STK11IP: variants seen among roughly 807,000 people sequenced by gnomAD.
The protein encoded by STK11IP is serine/threonine kinase 11 interacting protein.
Under a neutral mutation model 131.7 loss-of-function variants are expected in STK11IP, and 103 were observed. That is an observed-to-expected ratio of 0.78 (90% confidence interval 0.67 to 0.92). The LOEUF (loss-of-function observed/expected upper bound fraction) is 0.92. STK11IP is among the 40% of genes least tolerant of loss of function. STK11IP has a pLI of 0.00. For synonymous variants in STK11IP, 557 were observed against 575.6 expected (o/e 0.97, Z 0.46); for missense variants, 1,315 against 1,385.7 (o/e 0.95, Z 0.81).
chr2:219,602,957 C>G (rs1415889888), intron 7 of STK11IP, among the ~76,000 whole-genome samples, 181 bp downstream of exon 7: 1 of 151,552 alleles, frequency 6.6e-6, no homozygotes, highest in Non-Finnish European at 1.5e-5. Context: ...ATCTCAACTT[C>G]TAATACCTGT....
chr2:219,598,543 G>T, intron 2 of STK11IP: 1 of 194,450 alleles, frequency 5.1e-6, no homozygotes, highest in South Asian at 1.7e-4. Context: ...CACGAGATTT[G>T]GAGTCGGACC....
rs748510870 is a variant in STK11IP, at chr2:219,616,131, G to T, written c.3205G>T (p.Glu1069Ter). The T allele has an allele frequency of 6.2e-7, 1 of 1,613,750 alleles. No homozygotes were observed. The highest frequency in any genetic ancestry group is 8.5e-7 in the Non-Finnish European group (1 of 1,179,898). ...GCTTGCCTGGATCCGGGAACCATGG[G>T]AGGAGCTGTTTTCCATCGGACTCCG... ...ALLAWIREPW[E>*]ELFSIGLRTV... The change falls in exon 25 of 25, where the codon GAG becomes TAG. Residue 1069 changes from glutamate (E) to a stop codon, truncating the protein, a stop_gained. Coordinates refer to ENST00000456909, the MANE Select transcript of STK11IP (RefSeq NM_052902.4). LOFTEE classifies it high-confidence loss of function.
intron 13 of STK11IP, 144 bp from the exon 14 acceptor site, chr2:219,607,903 C>T (rs139487871): frequency 1.1e-4 from 120 of 1,070,616 alleles, no homozygotes; most frequent in South Asian, 9.6e-4. Flanking sequence ...TAGTACATGC[C>T]GCGGAGGGGA....
chr2:219,598,080 CT>C lies in STK11IP; in HGVS notation c.-26-11del, dbSNP rs771275476. ...CCCACCTGAGGCTCTTCCGCTTCCT[CT>C]TTCCCCCCCCAGGCTCCGCCCCCCA... On this transcript the variant is annotated splice_polypyrimidine_tract_variant and intron_variant, in intron 1 of 24. Coordinates refer to ENST00000456909, the MANE Select transcript of STK11IP (RefSeq NM_052902.4). The C allele has an allele frequency of 1.7e-4, 261 of 1,578,460 alleles. No homozygotes were observed. Among genetic ancestry groups the C allele is most frequent in the East Asian group, 5.8e-4 (24 of 41,278 alleles).
intron 14 of STK11IP, 30 bp from the exon 15 acceptor site, chr2:219,608,553 T>A: frequency 6.4e-7 from 1 of 1,556,212 alleles, no homozygotes; most frequent in South Asian, 1.2e-5. Context: ...TTTCCCTCCC[T>A]GCAGGCCTTT....
At position 219,609,126 on chromosome 2, in the gene STK11IP, C is replaced by G. The variant is rs1309702559; in HGVS notation, c.1839C>G (p.Ile613Met). ...TGSDLLPGAP[I>M]LSLRFSYICP... ...CAGATCTGCTCCCTGGAGCCCCCAT[C>G]CTCAGTCTGCGCTTCTCCTACATCT... Residue 613 changes from isoleucine to methionine, a missense_variant, in exon 16 of 25, where the codon ATC (isoleucine) becomes ATG (methionine). Coordinates refer to ENST00000456909, the MANE Select transcript of STK11IP (RefSeq NM_052902.4). 1.2e-6 allele frequency: 2 copies of G among 1,607,538 alleles called. No homozygotes were observed. Among genetic ancestry groups the G allele is most frequent in the Non-Finnish European group, 8.5e-7 (1 of 1,177,194 alleles).
At chr2:219,599,768 C>T (rs568130505) in intron 2 of STK11IP, among the ~76,000 whole-genome samples, 1 of 149,212 alleles carries the variant, frequency 6.7e-6, no homozygotes, top group East Asian at 2.0e-4. Context: ...GAGTCTCGCT[C>T]TGTCACCCAG....
chr2:219,615,636 C>G (rs1023495020), intron 24 of STK11IP: 4 of 652,832 alleles, frequency 6.1e-6, no homozygotes, highest in African/African-American at 1.8e-5. Flanking sequence ...AGGATTGGGC[C>G]GGTTGTATGC....
In STK11IP at chr2:219,601,623, T is replaced by TG; in HGVS notation, c.268-18_268-17insG. The TG allele has an allele frequency of 2.4e-6, 3 of 1,229,920 alleles. No individual in the cohort carries two copies. Among genetic ancestry groups the TG allele is most frequent in the Non-Finnish European group, 3.2e-6 (3 of 928,074 alleles). The allele number at this position is 1,229,920 out of a possible 1,614,324, so 76.2% of individuals were successfully genotyped here. On this transcript the variant is annotated splice_polypyrimidine_tract_variant and intron_variant, in intron 3 of 24. Coordinates refer to ENST00000456909, the MANE Select transcript of STK11IP (RefSeq NM_052902.4). ...ATCTGCTGTGCCTCAGTAAATTGAG[T>TG]TTTTTTTTTTTTTTCAGCTGGTCCA...
intron 4 of STK11IP, 123 bp from the exon 5 acceptor site, chr2:219,601,865 T>A: frequency 8.0e-7 from 1 of 1,247,986 alleles, no homozygotes; most frequent in Non-Finnish European, 1.1e-6. Context: ...TCTTTCCATT[T>A]ACTGCTTCCC....
Position 219,609,136 on chromosome 2 carries a change from C to T in STK11IP, c.1849C>T (p.Arg617Cys), listed in dbSNP as rs183004517. 23 of 1,608,996 alleles carry T rather than the reference C, an allele frequency of 1.4e-5. No individual in the cohort carries two copies. Among genetic ancestry groups the T allele is most frequent in the East Asian group, 4.5e-5 (2 of 44,684 alleles). ...LLPGAPILSLRFSYICPDRQL... is the reference protein window; with the variant it reads ...LLPGAPILSLCFSYICPDRQL... ...CCCTGGAGCCCCCATCCTCAGTCTG[C>T]GCTTCTCCTACATCTGCCCTGACCG... Residue 617 changes from arginine (R) to cysteine (C), a missense_variant, in exon 16 of 25, where the codon CGC becomes TGC. By Grantham distance (180) the Arg-to-Cys change is radical. Coordinates refer to ENST00000456909, the MANE Select transcript of STK11IP (RefSeq NM_052902.4).
At position 219,613,124 on chromosome 2, in the gene STK11IP, C is replaced by T; in HGVS notation, c.2440-4C>T. 1 of 1,611,536 alleles carries T rather than the reference C, an allele frequency of 6.2e-7. No homozygotes were observed. The highest frequency in any genetic ancestry group is 1.1e-5 in the South Asian group (1 of 90,908). On this transcript the variant is annotated splice_region_variant and splice_polypyrimidine_tract_variant and intron_variant, in intron 19 of 24. Transcript: ENST00000456909. ...GGTTTCTCACCAACTTCCTCTTCCC[C>T]CAGGTGCCAGTGGCATTGGCAGGCC...
In STK11IP at chr2:219,606,046, CT is replaced by C; in HGVS notation, c.837del (p.Glu280SerfsTer46). ...HRELSPLWLL[A>X]ELRKLYLEGN... Reference sequence around the variant, plus strand: ...GAGCTGTCACCACTGTGGCTGCTGGCTGAGCTCCGCAAGGTGAGATGGGAAT... The same window carrying C: ...GAGCTGTCACCACTGTGGCTGCTGGCGAGCTCCGCAAGGTGAGATGGGAAT... On this transcript the variant is annotated frameshift_variant, in exon 9 of 25. Coordinates refer to ENST00000456909, the MANE Select transcript of STK11IP (RefSeq NM_052902.4). LOFTEE classifies it high-confidence loss of function. The C allele has an allele frequency of 1.2e-6, 2 of 1,603,042 alleles. No homozygotes were observed. Among genetic ancestry groups the C allele is most frequent in the Non-Finnish European group, 1.7e-6 (2 of 1,174,958 alleles).
intron 5 of STK11IP, 60 bp downstream of exon 5, chr2:219,602,143 T>C: frequency 8.1e-7 from 1 of 1,242,082 alleles, no homozygotes; most frequent in Non-Finnish European, 1.2e-6. Context: ...AAGACCAAGC[T>C]CTGATGTTCT....
chr2:219,606,355 C>T (rs779409472), intron 10 of STK11IP, 65 bp downstream of exon 10: 225 of 1,544,298 alleles, frequency 1.5e-4, no homozygotes, highest in Non-Finnish European at 1.8e-4. Context: ...CACCTTGCAC[C>T]CTCTTGCCAT....
intron 11 of STK11IP, 70 bp from the exon 12 acceptor site, chr2:219,606,642 G>T: frequency 1.3e-6 from 2 of 1,594,484 alleles, no homozygotes; most frequent in South Asian, 2.3e-5. Flanking sequence ...CCCGCCTTTT[G>T]GCTGGCTTGG....
intron 23 of STK11IP, 88 bp downstream of exon 23, chr2:219,614,634 C>G (rs770157175): frequency 7.5e-7 from 1 of 1,324,906 alleles, no homozygotes; most frequent in South Asian, 1.2e-5. Context: ...CTGTACAGTG[C>G]CCTTGCAGCA....
In STK11IP at chr2:219,608,066, C is replaced by T. The variant is rs752422533; in HGVS notation, c.1239C>T (p.His413=). 6.8e-6 allele frequency: 11 copies of T among 1,611,928 alleles called. No homozygotes were observed. The highest frequency in any genetic ancestry group is 2.7e-5 in the African/African-American group (2 of 74,864). The change falls in exon 14 of 25, where the codon CAC becomes CAT. Residue 413 remains histidine, a synonymous_variant. Transcript: ENST00000456909. The stretch of plus-strand genomic sequence containing the variant: ...GCCTAGGATGGTTCGTGCAGCAGCA[C>T]CCGGAGCTGGAGCTCATGAGCAGCT... ...PSPAGWFVQQ[H]PELELMSSFR... is the part of the protein sequence containing the mutation.
chr2:219,600,840 T>A (rs1422810317), intron 2 of STK11IP, among the ~76,000 whole-genome samples: 1 of 152,270 alleles, frequency 6.6e-6, no homozygotes, highest in Non-Finnish European at 1.5e-5. Context: ...GTATTACTTC[T>A]TGAGGCGGCT....
Sources: allele counts gnomAD v4.1 joint callset (sites outside exome capture counted in the v4.1 genomes callset), GRCh38; gene constraint gnomAD v4.1.1; transcripts MANE v1.5; gene names NCBI Gene and HGNC (gene_info 2026-07-23, HGNC 2026-07-21).